The following PRTG variants were observed in gnomAD, a reference collection of about 807,000 sequenced individuals.
The protein encoded by PRTG is protogenin, also known as immunoglobulin superfamily, DCC subclass, member 5.
Under a neutral mutation model 122.5 loss-of-function variants are expected in PRTG, and 67 were observed. That is an observed-to-expected ratio of 0.55 (90% CI 0.45 to 0.67). PRTG has a LOEUF of 0.67. Among genes scored for constraint, PRTG ranks in the 30% least tolerant of loss-of-function variants. The pLI is 0.00. For missense variants in PRTG, 1,435 were observed against 1,415.4 expected, an observed-to-expected ratio of 1.01 and a Z score of -0.22; for synonymous variants, 554 against 501.1, an observed-to-expected ratio of 1.11 and a Z score of -1.41.
Position 55,639,768 on chromosome 15 carries a change from T to C in PRTG, c.2198A>G (p.Asn733Ser), listed in dbSNP as rs764606101. The change falls in exon 13 of 20, where the codon AAC (asparagine) becomes AGC (serine). Residue 733 changes from asparagine to serine, a missense_variant. Coordinates refer to ENST00000389286, the MANE Select transcript of PRTG (RefSeq NM_173814.6). ...GTGCAGGAAGATGGAAGATGAGGTG[T>C]TAGCCTTCGCATAGAGATGGTGGGG... is the stretch of plus-strand genomic sequence containing the variant. ...PPPHHLYAKANTSSSIFLHWR... is the reference protein window; with the variant it reads ...PPPHHLYAKASTSSSIFLHWR... 6.2e-7 allele frequency: 1 copy of C among 1,614,144 alleles called. No individual in the cohort carries two copies. Among genetic ancestry groups the C allele is most frequent in the Non-Finnish European group, 8.5e-7 (1 of 1,180,020 alleles).
At chr15:55,724,598 A>G (rs1218573875) in intron 2 of PRTG, among the ~76,000 whole-genome samples, 2 of 152,026 alleles carry the variant, frequency 1.3e-5, no homozygotes, top group South Asian at 2.1e-4. Flanking sequence ...TTAAAAAAAA[A>G]AAGTACAAAA....
chr15:55,679,934 T>G, intron 6 of PRTG, 120 bp downstream of exon 6: 3 of 741,666 alleles, frequency 4.0e-6, no homozygotes, highest in Non-Finnish European at 4.3e-6. Context: ...AATTCATCAT[T>G]TGATTACAAT....
At chr15:55,643,243 A>C (rs28657036) in intron 11 of PRTG, among the ~76,000 whole-genome samples, 1 of 152,174 alleles carries the variant, frequency 6.6e-6, no homozygotes, top group Non-Finnish European at 1.5e-5. Flanking sequence ...CTTTTCAAAA[A>C]ACCACAAGAT....
intron 5 of PRTG, 119 bp downstream of exon 5, chr15:55,680,372 T>A (rs2141812382): frequency 8.1e-7 from 1 of 1,235,060 alleles, no homozygotes; most frequent in Admixed American, 2.7e-5. Context: ...GCCAAAAAAA[T>A]TAAGACATTC....
At position 55,617,274 on chromosome 15, in the gene PRTG, CT is replaced by C. The variant is rs2059145753; in HGVS notation, c.*2737del. ...AAGTAGTTTCAACAATATAAAAATA[CT>C]TTAATACTGTATAGTTGAAGATTTA... On this transcript the variant is annotated 3_prime_UTR_variant, in exon 20 of 20. Transcript: ENST00000389286. 6.6e-6 allele frequency: 1 copy of C among 151,796 alleles called. No homozygotes were observed. Among genetic ancestry groups the C allele is most frequent in the African/African-American group, 2.4e-5 (1 of 41,340 alleles). The allele number at this position is 151,796 out of a possible 1,614,324, so 9.4% of individuals were successfully genotyped here. A position where few individuals can be genotyped will look rare whatever the true frequency, so the allele number is the denominator to read the frequency against.
intron 2 of PRTG, among the ~76,000 whole-genome samples, chr15:55,704,890 G>T (rs545410998): frequency 3.3e-5 from 5 of 152,128 alleles, no homozygotes; most frequent in Non-Finnish European, 7.4e-5. Context: ...AATTCATAAA[G>T]TAGACATAGA....
chr15:55,680,551 C>T lies in PRTG; in HGVS notation c.754G>A (p.Val252Ile). 6.2e-7 allele frequency: 1 copy of T among 1,602,172 alleles called. No individual in the cohort carries two copies. Among genetic ancestry groups the T allele is most frequent in the South Asian group, 1.1e-5 (1 of 87,898 alleles). Reference protein sequence around the residue: ...QNITTSLHQTVVLECMATGNP... With the variant: ...QNITTSLHQTIVLECMATGNP... ...CCTGTGGCCATGCATTCCAAAACTA[C>T]AGTCTGATGAAGAGATGTTGTTATG... Residue 252 changes from valine to isoleucine, a missense_variant, in exon 5 of 20, where the codon GTA (valine) becomes ATA (isoleucine). Transcript: ENST00000389286.
intron 2 of PRTG, among the ~76,000 whole-genome samples, chr15:55,730,481 G>T (rs2031191727): frequency 6.6e-6 from 1 of 151,884 alleles, no homozygotes; most frequent in African/African-American, 2.4e-5. Flanking sequence ...AACTCACAGG[G>T]AAAAGCTTTA....
intron 15 of PRTG, 76 bp downstream of exon 15, chr15:55,637,094 A>G: frequency 1.0e-5 from 12 of 1,157,676 alleles, no homozygotes; most frequent in South Asian, 5.2e-5. Context: ...AATAAACTCT[A>G]GATTCCCCTT....
chr15:55,625,693 G>A (rs750715062), intron 17 of PRTG, among the ~76,000 whole-genome samples: 6 of 132,468 alleles, frequency 4.5e-5, no homozygotes, highest in African/African-American at 1.3e-4. Context: ...GCACGATCTC[G>A]GCTCACTGCA....
chr15:55,655,938 G>A (rs1290213540), intron 11 of PRTG: 1 of 153,058 alleles, frequency 6.5e-6, no homozygotes, highest in East Asian at 1.9e-4. Context: ...ATTAGTTATA[G>A]ACATTTTAAT....
chr15:55,718,391 G>A (rs1314783645), intron 2 of PRTG, among the ~76,000 whole-genome samples: 1 of 151,904 alleles, frequency 6.6e-6, no homozygotes, highest in Non-Finnish European at 1.5e-5. Flanking sequence ...CCTCCCGCCT[G>A]TCCCCTCAGT....
Position 55,743,040 on chromosome 15 carries a change from C to A in PRTG, c.-109G>T, listed in dbSNP as rs973573269. 6 of 1,312,932 alleles carry A rather than the reference C, an allele frequency of 4.6e-6. No homozygotes were observed. The South Asian group carries it at 6.6e-5, about 14-fold the overall frequency. The allele number at this position is 1,312,932 out of a possible 1,614,324, so 81.3% of individuals were successfully genotyped here. A position where few individuals can be genotyped will look rare whatever the true frequency, so the allele number is the denominator to read the frequency against. On this transcript the variant is annotated 5_prime_UTR_variant, in exon 1 of 20. Coordinates refer to ENST00000389286, the MANE Select transcript of PRTG (RefSeq NM_173814.6). The stretch of plus-strand genomic sequence containing the variant: ...GCGGCTGGTCGCACGCAGCCTGGCT[C>A]CCCGCTCCGGCTCCGGCACCGGCGT...
At chr15:55,720,142 GC>G (rs1480756564) in intron 2 of PRTG, among the ~76,000 whole-genome samples, 1 of 151,940 alleles carries the variant, frequency 6.6e-6, no homozygotes, top group East Asian at 1.9e-4. Context: ...ACTTTGGGAG[GC>G]CGAGGCAGGC....
At chr15:55,718,620 AAAAC>A (rs1404041997) in intron 2 of PRTG, among the ~76,000 whole-genome samples, 1 of 126,976 alleles carries the variant, frequency 7.9e-6, no homozygotes, top group African/African-American at 2.5e-5. Flanking sequence ...TTGCTCACAA[AAAAC>A]AAACAAAAAA....
chr15:55,619,756 G>C lies in PRTG; in HGVS notation c.*256C>G. On this transcript the variant is annotated 3_prime_UTR_variant, in exon 20 of 20. Transcript: ENST00000389286. The stretch of plus-strand genomic sequence containing the variant: ...AAAAAACAAAACACATTCAAAAAAA[G>C]CTAAAATACCCCATAAAGATATTAA... 2.2e-6 allele frequency: 1 copy of C among 459,904 alleles called. No individual in the cohort carries two copies. The highest frequency in any genetic ancestry group is 3.7e-6 in the Non-Finnish European group (1 of 270,404). The allele number at this position is 459,904 out of a possible 1,614,324, so 28.5% of individuals were successfully genotyped here.
chr15:55,738,002 C>CTCTCTCTCTCTCTCTA (rs1248440584), intron 2 of PRTG, among the ~76,000 whole-genome samples: 2 of 96,686 alleles, frequency 2.1e-5, no homozygotes, highest in East Asian at 3.2e-4. Flanking sequence ...CTCTCTCTCT[C>CTCTCTCTCTCTCTCTA]TATATATATA....
intron 11 of PRTG, among the ~76,000 whole-genome samples, chr15:55,657,853 T>G (rs2059388801): frequency 6.6e-6 from 1 of 152,188 alleles, no homozygotes; most frequent in African/African-American, 2.4e-5. Context: ...AATTACTTTT[T>G]AAAAAATTAT....
rs926872139 is a variant in PRTG at position 55,629,381 on chromosome 15, G to A, written c.2624-377C>T. On this transcript the variant is annotated intron_variant, in intron 15 of 19. Coordinates refer to ENST00000389286, the MANE Select transcript of PRTG (RefSeq NM_173814.6). The stretch of plus-strand genomic sequence containing the variant: ...TTTGTATATATATATATATATGTGT[G>A]TGTGTGTGTGTGTGTGTGTGTGTGT... Among the ~76,000 whole-genome samples, 174 of 31,178 alleles carry A rather than the reference G, an allele frequency of 5.6e-3. 2 individuals are homozygous for A. Among genetic ancestry groups the A allele is most frequent in the African/African-American group, 0.013 (112 of 8,346 alleles). The allele number at this position is 31,178 out of a possible 152,430, so 20.5% of individuals were successfully genotyped here.
Sources: gnomAD v4.1 joint callset for allele counts (sites outside exome capture counted in the v4.1 genomes callset) on GRCh38, gnomAD v4.1.1 for gene constraint, MANE v1.5 for transcripts, NCBI Gene and HGNC (gene_info 2026-07-23, HGNC 2026-07-21) for gene names.